RNASEH2B: variants seen among roughly 807,000 people sequenced by gnomAD.
The protein encoded by RNASEH2B is ribonuclease H2 subunit B, also known as Aicardi-Goutieres syndrome 2 protein.
Under a neutral mutation model 45.0 loss-of-function variants are expected in RNASEH2B, and 36 were observed. That is an observed-to-expected ratio of 0.80 (90% CI 0.61 to 1.06). RNASEH2B has a LOEUF of 1.06. Ranked by LOEUF, RNASEH2B falls within the 50% of genes least tolerant of loss-of-function variation. The pLI is 0.00. For synonymous variants in RNASEH2B, 119 were observed against 125.7 expected (o/e 0.95, Z 0.35); for missense variants, 361 against 360.3 (o/e 1.00, Z -0.02).
At chr13:50,969,940 A>T (rs1952204062) in exon 10 of RNASEH2B, 2 of 1,551,590 alleles carry the variant, frequency 1.3e-6, no homozygotes, top group African/African-American at 1.4e-5. Context: ...AGATGGCAGC[A>T]CAAAGACAGA....
intron 1 of RNASEH2B, among the ~76,000 whole-genome samples, chr13:50,923,481 C>T (rs186244409): frequency 1.1e-4 from 17 of 152,224 alleles, no homozygotes; most frequent in Admixed American, 7.9e-4. Context: ...TAACAGCTGA[C>T]TTCTCATTAG....
intron 4 of RNASEH2B, among the ~76,000 whole-genome samples, chr13:50,932,752 A>C (rs1951696188): frequency 1.3e-5 from 2 of 152,196 alleles, no homozygotes; most frequent in Admixed American, 1.3e-4. Flanking sequence ...TTGGACTCTC[A>C]TGTTTGCATA....
Position 50,930,756 on chromosome 13 carries a change from G to A in RNASEH2B, c.318G>A (p.Lys106=). Residue 106 remains lysine (K), a synonymous_variant, in exon 4 of 11, where the codon AAG becomes AAA. Coordinates refer to ENST00000336617, the MANE Select transcript of RNASEH2B (RefSeq NM_024570.4). ...LLLHYLIKAD[K]EGKFQPLDQV... ...TCCACTACCTCATAAAGGCTGATAA[G>A]GAGGTGAGTTTCCAGCTCGGAGCAT... 6.2e-7 allele frequency: 1 copy of A among 1,612,320 alleles called. No individual in the cohort carries two copies. The highest frequency in any genetic ancestry group is 2.2e-5 in the East Asian group (1 of 44,874).
intron 1 of RNASEH2B, chr13:50,910,383 TG>T (rs1879293486): frequency 2.7e-6 from 1 of 368,072 alleles, no homozygotes; most frequent in Admixed American, 4.8e-5. Flanking sequence ...GTGGCTCGGG[TG>T]GGAGGGTGGA....
At chr13:50,947,645 A>G (rs1272342183) in intron 7 of RNASEH2B, among the ~76,000 whole-genome samples, 2 of 152,114 alleles carry the variant, frequency 1.3e-5, no homozygotes, top group African/African-American at 2.4e-5. Flanking sequence ...ATTGTTGTAG[A>G]TGATTTTTAA....
chr13:50,913,684 A>G (rs888557530), intron 1 of RNASEH2B, among the ~76,000 whole-genome samples: 10 of 152,190 alleles, frequency 6.6e-5, no homozygotes, highest in African/African-American at 1.4e-4. Flanking sequence ...ATGAATATAC[A>G]TGTTAAAAAG....
intron 4 of RNASEH2B, among the ~76,000 whole-genome samples, chr13:50,932,077 A>C (rs1279133663): frequency 6.6e-6 from 1 of 152,142 alleles, no homozygotes; most frequent in Non-Finnish European, 1.5e-5. Context: ...CTACAATTCT[A>C]ATTTTTGCTT....
chr13:50,956,237 G>GT (rs1276109479), intron 10 of RNASEH2B, 121 bp from the exon 11 acceptor site: 1 of 780,294 alleles, frequency 1.3e-6, no homozygotes, highest in African/African-American at 1.8e-5. Flanking sequence ...TATGAAGCAT[G>GT]TTAGTGGGGG....
At position 50,914,846 on chromosome 13, in the gene RNASEH2B, G is replaced by A. The variant is rs770577134; in HGVS notation, c.64+4706G>A. Among the ~76,000 whole-genome samples the A allele has an allele frequency of 2.0e-5, 3 of 152,180 alleles. No individual in the cohort carries two copies. In the South Asian group the frequency reaches 6.2e-4, roughly 32 times the overall value. On this transcript the variant is annotated intron_variant, in intron 1 of 10. Coordinates refer to ENST00000336617, the MANE Select transcript of RNASEH2B (RefSeq NM_024570.4). ...AAGCAGTGTTCATGATTTTTTATTT[G>A]AGTAACAGAATAGGGACTGCATGGA... is the stretch of plus-strand genomic sequence containing the variant.
chr13:50,951,725 TGGTCTTTTAAA>T (rs1951977757), intron 9 of RNASEH2B: 1 of 152,228 alleles, frequency 6.6e-6, no homozygotes, highest in South Asian at 2.1e-4. Context: ...CATAGGGATT[TGGTCTTTTAAA>T]TAACAAAAAT....
chr13:50,937,838 T>A (rs1951776221), intron 5 of RNASEH2B: 1 of 152,212 alleles, frequency 6.6e-6, no homozygotes, highest in Non-Finnish European at 1.5e-5. Context: ...GCTAACATCA[T>A]CTTCATTGTA....
At chr13:50,936,758 C>T (rs577275825) in intron 5 of RNASEH2B, 23 of 152,230 alleles carry the variant, frequency 1.5e-4, no homozygotes, top group African/African-American at 5.3e-4. Flanking sequence ...ATCTTAAAAC[C>T]CAGAAATCCA....
chr13:50,915,579 T>C (rs2137886851), intron 1 of RNASEH2B: 1 of 398,002 alleles, frequency 2.5e-6, no homozygotes, highest in East Asian at 3.6e-5. Context: ...TGCCAGGAGC[T>C]AGAGAGAGTC....
chr13:50,970,022 A>G, exon 10 of RNASEH2B: 3 of 1,512,758 alleles, frequency 2.0e-6, no homozygotes, highest in Non-Finnish European at 2.7e-6. Flanking sequence ...ACACTCCCAG[A>G]GGACTCGGAC....
At chr13:50,943,145 A>G in intron 5 of RNASEH2B, 176 bp from the exon 6 acceptor site, 1 of 583,496 alleles carries the variant, frequency 1.7e-6, no homozygotes, top group Non-Finnish European at 3.1e-6. Flanking sequence ...TGAGGTAGCC[A>G]CATTACTACT....
At chr13:50,956,298 C>A in intron 10 of RNASEH2B, 60 bp from the exon 11 acceptor site, 1 of 1,340,524 alleles carries the variant, frequency 7.5e-7, no homozygotes. Context: ...CTTTGATTTC[C>A]ATATATGATT....
intron 5 of RNASEH2B, chr13:50,943,113 T>C (rs1951852810): frequency 6.2e-6 from 3 of 485,980 alleles, no homozygotes; most frequent in Non-Finnish European, 1.1e-5. Context: ...AAATTCTTAC[T>C]CATTTAGTGG....
chr13:50,926,554 C>CA (rs1566078634), intron 1 of RNASEH2B, among the ~76,000 whole-genome samples: 2 of 151,622 alleles, frequency 1.3e-5, no homozygotes, highest in Non-Finnish European at 2.9e-5. Context: ...GTTAACTTCT[C>CA]GAAAAAAATA....
intron 7 of RNASEH2B, among the ~76,000 whole-genome samples, chr13:50,945,786 C>A (rs773803169): frequency 6.6e-6 from 1 of 152,150 alleles, no homozygotes; most frequent in African/African-American, 2.4e-5. Flanking sequence ...GTAGTAACAA[C>A]CCTGGCTATC....
Sources: allele counts gnomAD v4.1 joint callset (sites outside exome capture counted in the v4.1 genomes callset), GRCh38; gene constraint gnomAD v4.1.1; transcripts MANE v1.5; gene names NCBI Gene and HGNC (gene_info 2026-07-23, HGNC 2026-07-21).